Variants in REPS1 observed in about 807,000 individuals in gnomAD.
REPS1 encodes RALBP1 associated Eps domain containing 1, also known as ralBP1-associated Eps domain-containing protein 1.
A neutral mutation model predicts 100.9 loss-of-function variants in REPS1; 39 were observed. The observed-to-expected ratio is 0.39, with a 90% CI of 0.30 to 0.50. The LOEUF is 0.50. Among genes scored for constraint, REPS1 ranks in the 20% least tolerant of loss-of-function variants. The pLI, the probability that REPS1 is intolerant of heterozygous loss-of-function variation, is 0.86. For missense variants in REPS1, 821 were observed against 968.5 expected (o/e 0.85, Z 2.02); for synonymous variants, 324 against 340.3 (o/e 0.95, Z 0.53).
chr6:138,951,586 T>C (rs560452857), intron 1 of REPS1, among the ~76,000 whole-genome samples: 92 of 152,294 alleles, frequency 6.0e-4, no homozygotes, highest in African/African-American at 2.2e-3. Flanking sequence ...GTTGGTGTTA[T>C]ATTGGCTTTT....
In REPS1 at chr6:138,905,108, G is replaced by A; in HGVS notation, c.2347C>T (p.Leu783=). ...CGAAGTTGTTCCAGTTGAACTTCCA[G>A]GGAAATTCTCTCCTCAAGAACATCC... The part of the protein sequence containing the change: ...LKDVLEERIS[L]EVQLEQLRPF... The change falls in exon 20 of 20, where the codon CTG becomes TTG. Residue 783 remains leucine, a synonymous_variant. Coordinates refer to ENST00000450536, the MANE Select transcript of REPS1 (RefSeq NM_001286611.2). The A allele has an allele frequency of 6.2e-7, 1 of 1,613,312 alleles. No individual in the cohort carries two copies. Among genetic ancestry groups the A allele is most frequent in the Non-Finnish European group, 8.5e-7 (1 of 1,179,328 alleles).
At chr6:138,956,585 C>T (rs1783407419) in intron 1 of REPS1, among the ~76,000 whole-genome samples, 2 of 151,914 alleles carry the variant, frequency 1.3e-5, no homozygotes, top group African/African-American at 2.4e-5. Flanking sequence ...TAGAACTTAC[C>T]GATCCCAATT....
chr6:138,917,316 C>T (rs527319122), intron 13 of REPS1, among the ~76,000 whole-genome samples: 1 of 152,294 alleles, frequency 6.6e-6, no homozygotes, highest in South Asian at 2.1e-4. Flanking sequence ...AAACTTCTAT[C>T]GTCAAGAAGT....
At chr6:138,947,524 A>T (rs577125129) in intron 2 of REPS1, among the ~76,000 whole-genome samples, 2 of 152,348 alleles carry the variant, frequency 1.3e-5, no homozygotes, top group East Asian at 3.9e-4. Context: ...AACTTTTGGT[A>T]AATTAATTCT....
chr6:138,917,467 A>C, intron 13 of REPS1, 88 bp downstream of exon 13: 1 of 1,043,670 alleles, frequency 9.6e-7, no homozygotes, highest in Non-Finnish European at 1.5e-6. Context: ...TCAGAGAACA[A>C]AATCATTTGT....
At chr6:138,985,329 C>T (rs966105580) in intron 1 of REPS1, among the ~76,000 whole-genome samples, 1 of 152,136 alleles carries the variant, frequency 6.6e-6, no homozygotes, top group African/African-American at 2.4e-5. Context: ...ATACATTATA[C>T]CTTATGTTAT....
chr6:138,981,783 C>T (rs1784969018), intron 1 of REPS1, among the ~76,000 whole-genome samples: 1 of 152,210 alleles, frequency 6.6e-6, no homozygotes, highest in African/African-American at 2.4e-5. Flanking sequence ...GATGCCAGAA[C>T]TGGAACTTGC....
At chr6:138,944,372 T>C in intron 5 of REPS1, 126 bp downstream of exon 5, 1 of 1,051,708 alleles carries the variant, frequency 9.5e-7, no homozygotes, top group Non-Finnish European at 1.4e-6. Flanking sequence ...CAGAGCAGAA[T>C]TTTGCTTTTA....
chr6:138,925,321 C>A (rs1000859252), intron 10 of REPS1, among the ~76,000 whole-genome samples: 2 of 152,050 alleles, frequency 1.3e-5, no homozygotes, highest in Non-Finnish European at 2.9e-5. Context: ...GAGCTGAGAT[C>A]GCACCACTGC....
rs542223307 is a variant in REPS1 at position 138,916,037 on chromosome 6, A to G, written c.1602-61T>C. On this transcript the variant is annotated intron_variant, in intron 13 of 19. Coordinates refer to ENST00000450536, the MANE Select transcript of REPS1 (RefSeq NM_001286611.2). Reference sequence around the variant, plus strand: ...CTGATATCAGAGCTTTTTTCTTTTTAAACATTTACACTTGGCTAAGCAGCA... The same window carrying G: ...CTGATATCAGAGCTTTTTTCTTTTTGAACATTTACACTTGGCTAAGCAGCA... 9.5e-4 allele frequency: 1,125 copies of G among 1,189,986 alleles called. 14 individuals are homozygous for G. In the Middle Eastern group the frequency reaches 0.01, roughly 11 times the overall value. The allele number at this position is 1,189,986 out of a possible 1,614,324, so 73.7% of individuals were successfully genotyped here. A position where few individuals can be genotyped will look rare whatever the true frequency, so the allele number is the denominator to read the frequency against.
At position 138,950,224 on chromosome 6, in the gene REPS1, A is replaced by G. The variant is rs545541166; in HGVS notation, c.154-2311T>C. On this transcript the variant is annotated intron_variant, in intron 1 of 19. Coordinates refer to ENST00000450536, the MANE Select transcript of REPS1 (RefSeq NM_001286611.2). ...AGCAGTGGTTCATGCCTGTAATTGC[A>G]ACACTCTGGGAGGCCAAGGTAGGAG... Among the ~76,000 whole-genome samples the G allele has an allele frequency of 9.5e-4, 145 of 152,296 alleles. 1 individual carries two copies. Among genetic ancestry groups the G allele is most frequent in the African/African-American group, 3.3e-3 (138 of 41,564 alleles).
chr6:138,909,226 A>G (rs1042900733), intron 17 of REPS1, among the ~76,000 whole-genome samples: 2 of 152,234 alleles, frequency 1.3e-5, no homozygotes, highest in Admixed American at 6.5e-5. Flanking sequence ...ATAACATTAT[A>G]AAGTAATGGA....
At position 138,904,953 on chromosome 6, in the gene REPS1, C is replaced by A; in HGVS notation, c.*111G>T. The A allele has an allele frequency of 1.3e-6, 1 of 782,770 alleles. No homozygotes were observed. 48.5% of individuals were successfully genotyped at this position (782,770 alleles called of 1,614,324 possible). Reference sequence around the variant, plus strand: ...GTGAACATATAGGGCAAAACAGAATCATAAAATTTAATGTTGAGTTAAGCA... The same window carrying A: ...GTGAACATATAGGGCAAAACAGAATAATAAAATTTAATGTTGAGTTAAGCA... On this transcript the variant is annotated 3_prime_UTR_variant, in exon 20 of 20. Transcript: ENST00000450536.
At chr6:138,986,277 G>A (rs1316316054) in intron 1 of REPS1, among the ~76,000 whole-genome samples, 2 of 152,218 alleles carry the variant, frequency 1.3e-5, no homozygotes, top group Non-Finnish European at 2.9e-5. Context: ...TCACTGGCAC[G>A]TAAGACATCC....
intron 13 of REPS1, among the ~76,000 whole-genome samples, chr6:138,917,226 A>G (rs981302887): frequency 2.4e-4 from 37 of 152,212 alleles, no homozygotes; most frequent in Non-Finnish European, 1.5e-5. Context: ...TAAAACACAG[A>G]ATTCTTTTGG....
At chr6:138,913,773 C>CT (rs1780174327) in intron 15 of REPS1, among the ~76,000 whole-genome samples, 1 of 152,180 alleles carries the variant, frequency 6.6e-6, no homozygotes, top group Admixed American at 6.5e-5. Flanking sequence ...TTGTTTTCCC[C>CT]TGAGGAATGT....
Position 138,945,581 on chromosome 6 carries a change from G to A in REPS1, c.394C>T (p.Pro132Ser), listed in dbSNP as rs1424784484. The A allele has an allele frequency of 1.2e-6, 2 of 1,613,718 alleles. No individual in the cohort carries two copies. Among genetic ancestry groups the A allele is most frequent in the African/African-American group, 1.3e-5 (1 of 74,960 alleles). The change falls in exon 3 of 20, where the codon CCA (proline) becomes TCA (serine). Residue 132 changes from proline to serine, a missense_variant. Physicochemically the swap from Pro to Ser is moderately conservative, Grantham distance 74. Around this residue, in one of 3 missense-constraint regions of REPS1, gnomAD observed 757 missense variants for 866.4 expected, o/e 0.87. Transcript: ENST00000450536. ...TTCACTTGCCCCCTGCCAGGTGGTG[G>A]GGGAATTACACCAGAATACGACCCT... ...NQGSYSGVIP[P>S]PPGRGQVKKG...
intron 8 of REPS1, among the ~76,000 whole-genome samples, chr6:138,932,105 T>C (rs1781517819): frequency 6.6e-6 from 1 of 152,176 alleles, no homozygotes; most frequent in Admixed American, 6.5e-5. Context: ...GGCCAAGCTG[T>C]ACCACACCCC....
At chr6:138,980,263 G>A (rs1784861824) in intron 1 of REPS1, among the ~76,000 whole-genome samples, 1 of 152,196 alleles carries the variant, frequency 6.6e-6, no homozygotes, top group Non-Finnish European at 1.5e-5. Flanking sequence ...ATATCCACTA[G>A]CGTATCTGCT....
Sources: gnomAD v4.1 joint callset for allele counts (sites outside exome capture counted in the v4.1 genomes callset) on GRCh38, gnomAD v4.1.1 for gene constraint, gnomAD v4.1.1 regional missense constraint, MANE v1.5 for transcripts, NCBI Gene and HGNC (gene_info 2026-07-23, HGNC 2026-07-21) for gene names.